The following PARP11 variants were observed in gnomAD, a reference collection of about 807,000 sequenced individuals.
The protein encoded by PARP11 is poly(ADP-ribose) polymerase family member 11.
PARP11 carries 31 observed loss-of-function variants against 42.9 expected under a neutral mutation model. The observed-to-expected ratio is 0.72, with a 90% CI of 0.54 to 0.98. The LOEUF (loss-of-function observed/expected upper bound fraction) is 0.98, where lower values mean the gene tolerates loss of function less well. Among genes scored for constraint, PARP11 ranks in the 50% least tolerant of loss-of-function variants. The probability of loss-of-function intolerance (pLI) is 0.00; values close to 1 mark genes in which losing one functional copy is unlikely to be tolerated. For synonymous variants in PARP11, 137 were observed against 127.3 expected (o/e 1.08, Z -0.51); for missense variants, 365 against 413.1 (o/e 0.88, Z 1.01).
intron 6 of PARP11, among the ~76,000 whole-genome samples, chr12:3,820,310 G>C (rs567003990): frequency 1.3e-5 from 2 of 152,254 alleles, no homozygotes; most frequent in African/African-American, 4.8e-5. Context: ...GTGAGTCATA[G>C]GTTATGTGAC....
At chr12:3,841,491 G>GGCTA in intron 1 of PARP11, 1 of 1,505,962 alleles carries the variant, frequency 6.6e-7, no homozygotes, top group Non-Finnish European at 9.2e-7. Context: ...TGCAGACTGA[G>GGCTA]GCTAGTGTTA....
chr12:3,842,396 G>C, intron 1 of PARP11: 1 of 1,611,630 alleles, frequency 6.2e-7, no homozygotes, highest in South Asian at 1.1e-5. Context: ...TCCTGGAAAG[G>C]ACAGCCAAGC....
chr12:3,871,049 G>A (rs1948469375), intron 1 of PARP11, among the ~76,000 whole-genome samples: 1 of 152,106 alleles, frequency 6.6e-6, no homozygotes, highest in Non-Finnish European at 1.5e-5. Flanking sequence ...TGCACAAGAA[G>A]GAACCATAAT....
chr12:3,872,888 T>G, intron 1 of PARP11: 1 of 665,992 alleles, frequency 1.5e-6, no homozygotes, highest in Non-Finnish European at 1.9e-6. Flanking sequence ...ATCACGCCAC[T>G]GCACTCCAGC....
In PARP11 at chr12:3,809,043, A is replaced by T. The variant is rs772523908; in HGVS notation, c.*3080T>A. On this transcript the variant is annotated 3_prime_UTR_variant, in exon 8 of 8. Coordinates refer to ENST00000228820, the MANE Select transcript of PARP11 (RefSeq NM_020367.6). ...AACTTTTTTTTTTACCCTGAGGCTG[A>T]TATCACCAAGGTGAAAAAGAAAAGT... is the stretch of plus-strand genomic sequence containing the variant. The T allele has an allele frequency of 7.0e-6, 1 of 142,434 alleles. No homozygotes were observed. The highest frequency in any genetic ancestry group is 2.3e-4 in the South Asian group (1 of 4,360). The allele number at this position is 142,434 out of a possible 1,614,324, so 8.8% of individuals were successfully genotyped here.
chr12:3,830,218 G>A (rs1304690298), intron 1 of PARP11, among the ~76,000 whole-genome samples, 200 bp from the exon 2 acceptor site: 1 of 152,078 alleles, frequency 6.6e-6, no homozygotes, highest in Non-Finnish European at 1.5e-5. Flanking sequence ...TAACAATTTA[G>A]GCAAGTAATA....
chr12:3,841,827 T>C (rs909379656), intron 1 of PARP11: 1 of 1,607,598 alleles, frequency 6.2e-7, no homozygotes, highest in South Asian at 1.1e-5. Context: ...TGCCCTCTGA[T>C]GAGAAAGGAG....
chr12:3,869,785 T>G (rs1948443896), intron 1 of PARP11, among the ~76,000 whole-genome samples: 1 of 152,254 alleles, frequency 6.6e-6, no homozygotes, highest in South Asian at 2.1e-4. Context: ...ATTATTTGTT[T>G]AATATCTGCC....
chr12:3,823,567 G>A (rs559389508), intron 4 of PARP11, among the ~76,000 whole-genome samples: 5 of 152,216 alleles, frequency 3.3e-5, no homozygotes, highest in African/African-American at 4.8e-5. Flanking sequence ...ACAGAACTCC[G>A]CCATGTGGAT....
chr12:3,826,059 T>A (rs893391482), intron 4 of PARP11, 99 bp downstream of exon 4: 2 of 715,504 alleles, frequency 2.8e-6, no homozygotes, highest in African/African-American at 3.6e-5. Context: ...ATCAATATTA[T>A]TAAATGACCT....
chr12:3,824,254 C>T (rs1209579073), intron 4 of PARP11, among the ~76,000 whole-genome samples: 1 of 152,080 alleles, frequency 6.6e-6, no homozygotes, highest in Non-Finnish European at 1.5e-5. Flanking sequence ...AAATTGTTTG[C>T]CCATGTTGAT....
chr12:3,825,265 C>T (rs909586295), intron 4 of PARP11, among the ~76,000 whole-genome samples: 9 of 152,188 alleles, frequency 5.9e-5, no homozygotes, highest in African/African-American at 2.2e-4. Flanking sequence ...TGTCTTCTGA[C>T]ATTTATACCT....
chr12:3,827,307 T>A (rs565848234), intron 3 of PARP11, among the ~76,000 whole-genome samples: 4 of 152,210 alleles, frequency 2.6e-5, no homozygotes, highest in Non-Finnish European at 5.9e-5. Flanking sequence ...GTAACTCCCA[T>A]TCCTTAATAA....
rs766783554 is a variant in PARP11, at chr12:3,872,408, G to A, written c.18+804C>T. On this transcript the variant is annotated intron_variant, in intron 1 of 7. Transcript: ENST00000228820. ...GGTGGCTGTGATCCTTACAATGGGT[G>A]GTGAGGAAAGGTACTAAAGTTTTCG... 125 of 373,510 alleles carry A rather than the reference G, an allele frequency of 3.3e-4. 1 individual carries two copies. The highest frequency in any genetic ancestry group is 1.3e-4 in the Admixed American group (2 of 15,538). 23.1% of individuals were successfully genotyped at this position (373,510 alleles called of 1,614,324 possible). A position where few individuals can be genotyped will look rare whatever the true frequency, so the allele number is the denominator to read the frequency against.
In PARP11 at chr12:3,826,149, T is replaced by C. The variant is rs755149402; in HGVS notation, c.344+9A>G. On this transcript the variant is annotated intron_variant, in intron 4 of 7. Transcript: ENST00000228820. Reference sequence around the variant, plus strand: ...CCCACTCTTTCCACCCCTATTCTCTTTACCATACCTGAAAGCACTGATAGA... The same window carrying C: ...CCCACTCTTTCCACCCCTATTCTCTCTACCATACCTGAAAGCACTGATAGA... 1.3e-6 allele frequency: 2 copies of C among 1,560,030 alleles called. No individual in the cohort carries two copies. The highest frequency in any genetic ancestry group is 2.8e-5 in the African/African-American group (2 of 72,008).
At position 3,821,758 on chromosome 12, in the gene PARP11, G is replaced by C. The variant is rs547251302; in HGVS notation, c.548+115C>G. The C allele has an allele frequency of 6.1e-4, 679 of 1,113,492 alleles. 2 individuals carry two copies. The highest frequency in any genetic ancestry group is 2.4e-3 in the South Asian group (172 of 70,382). The allele number at this position is 1,113,492 out of a possible 1,614,324, so 69.0% of individuals were successfully genotyped here. ...GAGCCTTGAGACCAGGTCAAAATAC[G>C]GCAAGAGAAAAACAGCATGTCTACA... On this transcript the variant is annotated intron_variant, in intron 6 of 7. Transcript: ENST00000228820.
intron 1 of PARP11, among the ~76,000 whole-genome samples, chr12:3,854,345 G>A (rs905884769): frequency 3.9e-5 from 6 of 152,282 alleles, no homozygotes; most frequent in Admixed American, 1.3e-4. Context: ...AATGACTCCA[G>A]GAGCTGGTTT....
At chr12:3,845,643 G>A (rs1947981184) in intron 1 of PARP11, among the ~76,000 whole-genome samples, 1 of 152,082 alleles carries the variant, frequency 6.6e-6, no homozygotes, top group East Asian at 1.9e-4. Flanking sequence ...ATACGTATTT[G>A]GCTACACTAT....
rs184907843 is a variant in PARP11 at position 3,849,255 on chromosome 12, C to A, written c.19-19237G>T. On this transcript the variant is annotated intron_variant, in intron 1 of 7. Transcript: ENST00000228820. The stretch of plus-strand genomic sequence containing the variant: ...GTCACCATGGAAAATTATGGAGGTA[C>A]CTCAAAAAAAAATAGAACTACCATA... Among the ~76,000 whole-genome samples the A allele has an allele frequency of 2.8e-3, 424 of 151,036 alleles. 1 individual carries two copies. Among genetic ancestry groups the A allele is most frequent in the Non-Finnish European group, 4.2e-3 (288 of 67,812 alleles).
Sources: gnomAD v4.1 joint callset for allele counts (sites outside exome capture counted in the v4.1 genomes callset) on GRCh38, gnomAD v4.1.1 for gene constraint, MANE v1.5 for transcripts, NCBI Gene and HGNC (gene_info 2026-07-23, HGNC 2026-07-21) for gene names.